MTA3: variants seen among roughly 807,000 people sequenced by gnomAD.
MTA3 encodes the protein metastasis-associated protein MTA3.
In MTA3, 34 loss-of-function variants were observed where a neutral mutation model predicts 83.5. The observed-to-expected ratio is 0.41, with a 90% CI of 0.31 to 0.54. The LOEUF (loss-of-function observed/expected upper bound fraction) is 0.54, where lower values mean the gene tolerates loss of function less well. Among genes scored for constraint, MTA3 ranks in the 20% least tolerant of loss-of-function variants. The pLI, the probability that MTA3 is intolerant of heterozygous loss-of-function variation, is 0.33. For missense variants in MTA3, 761 were observed against 726.4 expected (o/e 1.05, Z -0.55); for synonymous variants, 303 against 252.7 (o/e 1.20, Z -1.89).
At chr2:42,701,291 C>CAAAAA (rs35602598) in intron 11 of MTA3, among the ~76,000 whole-genome samples, 12 of 69,768 alleles carry the variant, frequency 1.7e-4, no homozygotes, top group African/African-American at 4.5e-4. Flanking sequence ...GACCCTGCCT[C>CAAAAA]AAAAAAAAAA....
chr2:42,505,924 A>G (rs941848654), intron 2 of MTA3, among the ~76,000 whole-genome samples: 2 of 151,822 alleles, frequency 1.3e-5, no homozygotes, highest in Admixed American at 6.6e-5. Context: ...GCCTGCCACC[A>G]CGCCTGGCTA....
chr2:42,501,406 T>C (rs1674390224), intron 2 of MTA3, among the ~76,000 whole-genome samples: 4 of 152,288 alleles, frequency 2.6e-5, no homozygotes, highest in Admixed American at 2.6e-4. Flanking sequence ...TGCCTTTAGC[T>C]CAAAATAATC....
Position 42,707,950 on chromosome 2 carries a change from T to G in MTA3, c.1198T>G (p.Cys400Gly). ...TTCTTGGGGCCCACCTAATATGCAG[T>G]GTAGATTATGTGCAATTTGTTGGCT... Reference protein sequence around the residue: ...WYSWGPPNMQCRLCAICWLYW... With the variant: ...WYSWGPPNMQGRLCAICWLYW... The change falls in exon 13 of 17, where the codon TGT (cysteine) becomes GGT (glycine). Residue 400 changes from cysteine (C) to glycine (G), a missense_variant. Coordinates refer to ENST00000405094, the MANE Select transcript of MTA3 (RefSeq NM_001330442.2). The G allele has an allele frequency of 6.2e-7, 1 of 1,613,260 alleles. No individual in the cohort carries two copies. Among genetic ancestry groups the G allele is most frequent in the Non-Finnish European group, 8.5e-7 (1 of 1,179,700 alleles).
chr2:42,748,243 T>TGTG (rs771046809), intron 16 of MTA3, among the ~76,000 whole-genome samples: 329 of 84,236 alleles, frequency 3.9e-3, no homozygotes, highest in Middle Eastern at 0.01. Context: ...GTGTGTGTGT[T>TGTG]TTAGTAGAGA....
intron 8 of MTA3, among the ~76,000 whole-genome samples, chr2:42,667,570 T>TTATGTGTGTGTGTGTGTGTGTG (rs770325715): frequency 2.1e-5 from 3 of 145,060 alleles, no homozygotes; most frequent in Non-Finnish European, 4.5e-5. Context: ...CATTTAAAAA[T>TTATGTGTGTGTGTGTGTGTGTG]TGTGTGTGTG....
chr2:42,590,651 C>T lies in MTA3; in HGVS notation c.190+11451C>T, dbSNP rs1045006785. Among the ~76,000 whole-genome samples the T allele has an allele frequency of 4.1e-4, 55 of 134,842 alleles. 1 individual carries two copies. The highest frequency in any genetic ancestry group is 1.0e-3 in the African/African-American group (36 of 35,456). The allele number at this position is 134,842 out of a possible 152,430, so 88.5% of individuals were successfully genotyped here. Reference sequence around the variant, plus strand: ...TTTTTTTGTGAGGTGGAGTCTCGCTCGCTCTGTCACCCAGGCTGGAGTGCA... The same window carrying T: ...TTTTTTTGTGAGGTGGAGTCTCGCTTGCTCTGTCACCCAGGCTGGAGTGCA... On this transcript the variant is annotated intron_variant, in intron 3 of 16. Coordinates refer to ENST00000405094, the MANE Select transcript of MTA3 (RefSeq NM_001330442.2).
chr2:42,590,865 C>T (rs144908815), intron 3 of MTA3, among the ~76,000 whole-genome samples: 1 of 152,170 alleles, frequency 6.6e-6, no homozygotes, highest in Non-Finnish European at 1.5e-5. Flanking sequence ...AAGTGATCTG[C>T]CCGCCTGTTT....
intron 8 of MTA3, among the ~76,000 whole-genome samples, chr2:42,667,028 A>G (rs979651644): frequency 2.0e-5 from 3 of 152,190 alleles, no homozygotes; most frequent in Admixed American, 6.5e-5. Context: ...CAGTCTGAAC[A>G]CTATGAACTG....
chr2:42,519,649 T>A (rs528378719), intron 2 of MTA3, among the ~76,000 whole-genome samples: 13 of 150,064 alleles, frequency 8.7e-5, no homozygotes, highest in African/African-American at 2.7e-4. Context: ...GTGGAACGCA[T>A]CTTAGTCCCA....
chr2:42,591,110 T>A (rs963257970), intron 3 of MTA3, among the ~76,000 whole-genome samples: 1 of 65,910 alleles, frequency 1.5e-5, no homozygotes, highest in Non-Finnish European at 2.9e-5. Flanking sequence ...TACACAAACC[T>A]AGATGGTATA....
intron 16 of MTA3, among the ~76,000 whole-genome samples, chr2:42,729,634 C>G (rs547151378): frequency 1.3e-5 from 2 of 152,246 alleles, no homozygotes; most frequent in African/African-American, 4.8e-5. Flanking sequence ...GTTCTCCATT[C>G]TGTTCCATTG....
At position 42,679,667 on chromosome 2, in the gene MTA3, A is replaced by G. The variant is rs1033893416; in HGVS notation, c.703-2734A>G. Among the ~76,000 whole-genome samples the G allele has an allele frequency of 3.9e-5, 6 of 152,224 alleles. No individual in the cohort carries two copies. The East Asian group carries it at 1.2e-3, about 29-fold the overall frequency. On this transcript the variant is annotated intron_variant, in intron 8 of 16. Coordinates refer to ENST00000405094, the MANE Select transcript of MTA3 (RefSeq NM_001330442.2). ...CAGATCTCTCCAGCTGCCTACAGGA[A>G]ATATAAACAACAGTGCCTTCTTCAT...
intron 3 of MTA3, among the ~76,000 whole-genome samples, chr2:42,604,574 CT>C (rs963468751): frequency 0.046 from 765 of 16,698 alleles, 12 homozygotes; most frequent in African/African-American, 0.18. Context: ...TGTTTCTTTT[CT>C]TTTTTTTTTT....
At chr2:42,677,130 A>G (rs1237587378) in intron 8 of MTA3, among the ~76,000 whole-genome samples, 1 of 152,186 alleles carries the variant, frequency 6.6e-6, no homozygotes, top group Non-Finnish European at 1.5e-5. Flanking sequence ...ATAATCATAG[A>G]ACAATTATAA....
chr2:42,715,808 T>C (rs1405054576), intron 14 of MTA3, among the ~76,000 whole-genome samples: 1 of 152,204 alleles, frequency 6.6e-6, no homozygotes, highest in African/African-American at 2.4e-5. Flanking sequence ...CTTTGGGTCA[T>C]CTAGACTGGA....
chr2:42,735,765 G>A (rs2104571690), intron 16 of MTA3, among the ~76,000 whole-genome samples: 1 of 152,244 alleles, frequency 6.6e-6, no homozygotes. Flanking sequence ...GTATTTTTCA[G>A]TATGTCAATT....
chr2:42,538,940 A>G (rs1317464845), intron 2 of MTA3, among the ~76,000 whole-genome samples: 1 of 148,576 alleles, frequency 6.7e-6, no homozygotes. Flanking sequence ...GTGCCCGGCT[A>G]ATTTTTTGTA....
At chr2:42,691,866 A>T (rs550082917) in intron 9 of MTA3, among the ~76,000 whole-genome samples, 11 of 152,294 alleles carry the variant, frequency 7.2e-5, no homozygotes, top group African/African-American at 2.6e-4. Flanking sequence ...TAAGGTTTCC[A>T]TTGAGAAGTC....
chr2:42,570,365 TA>T, intron 1 of MTA3, 71 bp from the exon 2 acceptor site: 1 of 951,744 alleles, frequency 1.1e-6, no homozygotes, highest in Non-Finnish European at 1.6e-6. Flanking sequence ...ATGCCTAACA[TA>T]AAAAGTCTTG....
Sources: allele counts gnomAD v4.1 joint callset (sites outside exome capture counted in the v4.1 genomes callset), GRCh38; gene constraint gnomAD v4.1.1; transcripts MANE v1.5; gene names NCBI Gene and HGNC (gene_info 2026-07-23, HGNC 2026-07-21).